The following ZNF556 variants were observed in gnomAD, a reference collection of about 807,000 sequenced individuals.
The protein encoded by ZNF556 is zinc finger protein 556.
Under a neutral mutation model 13.6 loss-of-function variants are expected in ZNF556, and 11 were observed. The observed-to-expected ratio is 0.81, with a 90% CI of 0.51 to 1.33. ZNF556 has a LOEUF of 1.33. ZNF556 is among the 40% of genes most tolerant of loss of function. ZNF556 has a pLI of 0.00. For synonymous variants in ZNF556, 229 were observed against 207.8 expected, an observed-to-expected ratio of 1.10 and a Z score of -0.88; for missense variants, 633 against 566.2, an observed-to-expected ratio of 1.12 and a Z score of -1.20.
At chr19:2,875,212 G>T (rs1302450324) in intron 2 of ZNF556, 2 of 152,006 alleles carry the variant, frequency 1.3e-5, no homozygotes, top group African/African-American at 2.4e-5. Flanking sequence ...TTATTATTTT[G>T]AGACAGAATC....
rs954567322 is a variant in ZNF556 at position 2,878,397 on chromosome 19, G to A, written c.*68G>A. The A allele has an allele frequency of 2.4e-5, 36 of 1,526,450 alleles. No homozygotes were observed. Among genetic ancestry groups the A allele is most frequent in the Admixed American group, 2.2e-4 (12 of 53,924 alleles). 94.6% of individuals were successfully genotyped at this position (1,526,450 alleles called of 1,614,324 possible). The stretch of plus-strand genomic sequence containing the variant: ...AAAATTCACAGCAGGAGGGCCGGGC[G>A]CAGTGGCTCACGCCTGTAATCCCAG... On this transcript the variant is annotated 3_prime_UTR_variant, in exon 4 of 4. Coordinates refer to ENST00000307635, the MANE Select transcript of ZNF556 (RefSeq NM_024967.3).
At chr19:2,870,127 T>C (rs2087790008) in intron 1 of ZNF556, among the ~76,000 whole-genome samples, 1 of 152,216 alleles carries the variant, frequency 6.6e-6, no homozygotes, top group Admixed American at 6.5e-5. Flanking sequence ...TGAAAGCTTC[T>C]CTTGTCGCTA....
Position 2,878,166 on chromosome 19 carries a change from T to C in ZNF556, c.1208T>C (p.Val403Ala), listed in dbSNP as rs1409426826. Reference protein sequence around the residue: ...TGEKPVNAASVGKPSGGLCSS... With the variant: ...TGEKPVNAASAGKPSGGLCSS... The stretch of plus-strand genomic sequence containing the variant: ...GAGAAACCTGTAAATGCAGCCAGTG[T>C]GGGAAAACCTTCAGGCGGGCTTTGC... The change falls in exon 4 of 4, where the codon GTG (valine) becomes GCG (alanine). Residue 403 changes from valine (V) to alanine (A), a missense_variant. Coordinates refer to ENST00000307635, the MANE Select transcript of ZNF556 (RefSeq NM_024967.3). The C allele has an allele frequency of 6.2e-7, 1 of 1,613,976 alleles. No homozygotes were observed. Among genetic ancestry groups the C allele is most frequent in the African/African-American group, 1.3e-5 (1 of 74,904 alleles).
In ZNF556 at chr19:2,878,727, T is replaced by C. The variant is rs117433930; in HGVS notation, c.*398T>C. On this transcript the variant is annotated 3_prime_UTR_variant, in exon 4 of 4. Coordinates refer to ENST00000307635, the MANE Select transcript of ZNF556 (RefSeq NM_024967.3). ...AAGAATCTCATGACGTTTATAAATA[T>C]GGTATTGCCTTTATCAGGACCACAT... 3.6e-5 allele frequency: 6 copies of C among 166,624 alleles called. No individual in the cohort carries two copies. In the East Asian group the frequency reaches 5.1e-4, roughly 14 times the overall value. 10.3% of individuals were successfully genotyped at this position (166,624 alleles called of 1,614,324 possible).
intron 1 of ZNF556, among the ~76,000 whole-genome samples, chr19:2,870,486 C>T (rs528841151): frequency 6.6e-6 from 1 of 151,798 alleles, no homozygotes; most frequent in Non-Finnish European, 1.5e-5. Context: ...ATGGCTCACG[C>T]CTGTAATCCC....
rs201798199 is a variant in ZNF556, at chr19:2,877,647, C to T, written c.689C>T (p.Pro230Leu). 6.2e-7 allele frequency: 1 copy of T among 1,614,104 alleles called. No individual in the cohort carries two copies. Among genetic ancestry groups the T allele is most frequent in the Non-Finnish European group, 8.5e-7 (1 of 1,180,062 alleles). Residue 230 changes from proline to leucine, a missense_variant, in exon 4 of 4, where the codon CCC becomes CTC. Coordinates refer to ENST00000307635, the MANE Select transcript of ZNF556 (RefSeq NM_024967.3). ...EHVRTHTGEKPYECGQCGKGF... is the reference protein window; with the variant it reads ...EHVRTHTGEKLYECGQCGKGF... ...GTAAGGACTCACACTGGAGAGAAAC[C>T]CTACGAATGTGGGCAGTGTGGGAAA... is the stretch of plus-strand genomic sequence containing the variant.
chr19:2,867,717 AACAAAAC>A (rs2087768045), intron 1 of ZNF556, among the ~76,000 whole-genome samples: 1 of 143,186 alleles, frequency 7.0e-6, no homozygotes, highest in Non-Finnish European at 1.5e-5. Flanking sequence ...AAGTACAAAA[AACAAAAC>A]AAAAAAAAAA....
At chr19:2,871,148 A>G (rs1343965430) in intron 1 of ZNF556, among the ~76,000 whole-genome samples, 1 of 150,288 alleles carries the variant, frequency 6.7e-6, no homozygotes, top group Non-Finnish European at 1.5e-5. Flanking sequence ...TGGGCGACAG[A>G]GTGAGATGCC....
Position 2,878,155 on chromosome 19 carries a change from T to C in ZNF556, c.1197T>C (p.Asn399=), listed in dbSNP as rs1477432250. ...AGCACACTGGGGAGAAACCTGTAAA[T>C]GCAGCCAGTGTGGGAAAACCTTCAG... The part of the protein sequence containing the change: ...ERKHTGEKPV[N]AASVGKPSGG... The change falls in exon 4 of 4, where the codon AAT becomes AAC. Residue 399 remains asparagine (N), a synonymous_variant. Coordinates refer to ENST00000307635, the MANE Select transcript of ZNF556 (RefSeq NM_024967.3). The C allele has an allele frequency of 6.2e-7, 1 of 1,614,008 alleles. No individual in the cohort carries two copies. Among genetic ancestry groups the C allele is most frequent in the East Asian group, 2.2e-5 (1 of 44,896 alleles).
chr19:2,871,966 A>G (rs946444425), intron 1 of ZNF556, among the ~76,000 whole-genome samples: 2 of 151,866 alleles, frequency 1.3e-5, no homozygotes, highest in African/African-American at 4.8e-5. Flanking sequence ...CAGCCGAGGC[A>G]GAGAGAGAGA....
In ZNF556 at chr19:2,878,572, A is replaced by C. The variant is rs2087881446; in HGVS notation, c.*243A>C. 1 of 339,610 alleles carries C rather than the reference A, an allele frequency of 2.9e-6. No homozygotes were observed. The highest frequency in any genetic ancestry group is 5.5e-6 in the Non-Finnish European group (1 of 183,304). 21.0% of individuals were successfully genotyped at this position (339,610 alleles called of 1,614,324 possible). A position where few individuals can be genotyped will look rare whatever the true frequency, so the allele number is the denominator to read the frequency against. The stretch of plus-strand genomic sequence containing the variant: ...GCACCTGTAGTCCCAGCTGCTCAGG[A>C]GGCTGAGGCAGGAGAACGGCGTGAA... On this transcript the variant is annotated 3_prime_UTR_variant, in exon 4 of 4. Coordinates refer to ENST00000307635, the MANE Select transcript of ZNF556 (RefSeq NM_024967.3).
At chr19:2,871,965 C>G (rs990425794) in intron 1 of ZNF556, among the ~76,000 whole-genome samples, 1 of 151,816 alleles carries the variant, frequency 6.6e-6, no homozygotes, top group Non-Finnish European at 1.5e-5. Flanking sequence ...GCAGCCGAGG[C>G]AGAGAGAGAG....
At chr19:2,874,347 A>C (rs1440222140) in intron 2 of ZNF556, among the ~76,000 whole-genome samples, 1 of 152,226 alleles carries the variant, frequency 6.6e-6, no homozygotes, top group Non-Finnish European at 1.5e-5. Flanking sequence ...TTGGTTAATA[A>C]GACAGTTATA....
intron 1 of ZNF556, among the ~76,000 whole-genome samples, chr19:2,872,615 A>G (rs1231118023): frequency 1.3e-5 from 2 of 152,074 alleles, no homozygotes; most frequent in African/African-American, 4.8e-5. Flanking sequence ...ATATTTTATT[A>G]TACTGGAACA....
rs756558409 is a variant in ZNF556 at position 2,878,020 on chromosome 19, G to A, written c.1062G>A (p.Arg354=). 8.7e-6 allele frequency: 14 copies of A among 1,613,984 alleles called. No individual in the cohort carries two copies. The Admixed American group carries it at 1.2e-4, about 13-fold the overall frequency. ...SGGSVGKSSA[R]PRPSTDVKSQ... is the part of the protein sequence containing the mutation. ...GCAGCGTGGGAAAGTCTTCCGCGAGGCCTCGCCCCTCCACAGATGTCAAAT... is the reference window on the plus strand; with the variant it reads ...GCAGCGTGGGAAAGTCTTCCGCGAGACCTCGCCCCTCCACAGATGTCAAAT... Residue 354 remains arginine, a synonymous_variant, in exon 4 of 4, where the codon AGG becomes AGA. Transcript: ENST00000307635.
At chr19:2,873,815 G>A (rs572898836) in intron 2 of ZNF556, among the ~76,000 whole-genome samples, 193 bp downstream of exon 2, 24 of 151,086 alleles carry the variant, frequency 1.6e-4, no homozygotes, top group African/African-American at 3.9e-4. Flanking sequence ...AAATTAGCCC[G>A]GTGTGGTAGC....
At chr19:2,873,335 G>A (rs1189702573) in intron 1 of ZNF556, among the ~76,000 whole-genome samples, 161 bp from the exon 2 acceptor site, 1 of 152,164 alleles carries the variant, frequency 6.6e-6, no homozygotes, top group African/African-American at 2.4e-5. Context: ...CTACGACACA[G>A]GAAGTGATTA....
rs753596070 is a variant in ZNF556, at chr19:2,877,651, C to T, written c.693C>T (p.Tyr231=). The T allele has an allele frequency of 2.5e-5, 41 of 1,614,090 alleles. No individual in the cohort carries two copies. The Admixed American group carries it at 3.8e-4, about 15-fold the overall frequency. ...HVRTHTGEKP[Y]ECGQCGKGFS... ...GGACTCACACTGGAGAGAAACCCTA[C>T]GAATGTGGGCAGTGTGGGAAAGGCT... The change falls in exon 4 of 4, where the codon TAC becomes TAT. Residue 231 remains tyrosine (Y), a synonymous_variant. Transcript: ENST00000307635.
chr19:2,883,006 A>G lies in ZNF556; in HGVS notation c.*4677A>G, dbSNP rs190409735. On this transcript the variant is annotated 3_prime_UTR_variant, in exon 4 of 4. Transcript: ENST00000307635. ...TTGGCATTGTCACTTTGCTGCCCCT[A>G]CACACTGATGGAAAAATTGTGTTCT... The G allele has an allele frequency of 1.5e-4, 23 of 152,304 alleles. No individual in the cohort carries two copies. Among genetic ancestry groups the G allele is most frequent in the African/African-American group, 5.5e-4 (23 of 41,562 alleles). 9.4% of individuals were successfully genotyped at this position (152,304 alleles called of 1,614,324 possible).
Sources: gnomAD v4.1 joint callset for allele counts (sites outside exome capture counted in the v4.1 genomes callset) on GRCh38, gnomAD v4.1.1 for gene constraint, MANE v1.5 for transcripts, NCBI Gene and HGNC (gene_info 2026-07-23, HGNC 2026-07-21) for gene names.